The following TSPEAR variants were observed in gnomAD, a reference collection of about 807,000 sequenced individuals.
TSPEAR encodes thrombospondin-type laminin G domain and EAR repeat-containing protein.
Under a neutral mutation model 71.6 loss-of-function variants are expected in TSPEAR, and 69 were observed. The ratio of observed to expected loss-of-function variants is 0.96; its 90% confidence interval spans 0.79 to 1.18. TSPEAR has a LOEUF of 1.18. Among genes scored for constraint, TSPEAR ranks in the 50% most tolerant of loss-of-function variants. The pLI is 0.00. For synonymous variants in TSPEAR, 402 were observed against 387.2 expected (o/e 1.04, Z -0.45); for missense variants, 971 against 894.9 (o/e 1.09, Z -1.09).
At chr21:44,595,700 C>T (rs181530479) in intron 1 of TSPEAR, among the ~76,000 whole-genome samples, 120 of 152,316 alleles carry the variant, frequency 7.9e-4, no homozygotes, top group Admixed American at 1.9e-3. Context: ...TTACCATATG[C>T]GAGCTGAGAC....
rs1230837081 is a variant in TSPEAR, at chr21:44,707,224, TCCTGCCGCTCCACC to T, written c.82+4195_82+4208del. 2.0e-5 allele frequency among the ~76,000 whole-genome samples: 3 copies of T among 148,694 alleles called. No homozygotes were observed. The East Asian group carries it at 6.1e-4, about 30-fold the overall frequency. On this transcript the variant is annotated intron_variant, in intron 1 of 11. Transcript: ENST00000323084. ...GGAGGACCGCACCTGCCCTCCCCAC[TCCTGCCGCTCCACC>T]CCTGCCCCCACCGCAACACCAAGGT... is the stretch of plus-strand genomic sequence containing the variant.
intron 1 of TSPEAR, among the ~76,000 whole-genome samples, chr21:44,606,950 T>C (rs1446974530): frequency 6.6e-6 from 1 of 152,246 alleles, no homozygotes; most frequent in Non-Finnish European, 1.5e-5. Flanking sequence ...AGTGACCTAC[T>C]GCATTGCATG....
intron 10 of TSPEAR, chr21:44,508,769 A>G: frequency 7.8e-7 from 1 of 1,288,528 alleles, no homozygotes; most frequent in Non-Finnish European, 1.0e-6. Flanking sequence ...GGAGGATGCA[A>G]CATCGGGGGA....
At chr21:44,527,195 C>T in intron 7 of TSPEAR, 97 bp downstream of exon 7, 1 of 1,195,526 alleles carries the variant, frequency 8.4e-7, no homozygotes, top group Non-Finnish European at 1.2e-6. Flanking sequence ...CCGTGAGAAA[C>T]TCCTTTACCT....
In TSPEAR at chr21:44,695,384, G is replaced by T. The variant is rs1987290229; in HGVS notation, c.82+16049C>A. Among the ~76,000 whole-genome samples, 1 of 152,172 alleles carries T rather than the reference G, an allele frequency of 6.6e-6. No individual in the cohort carries two copies. The highest frequency in any genetic ancestry group is 2.4e-5 in the African/African-American group (1 of 41,508). On this transcript the variant is annotated intron_variant, in intron 1 of 11. Transcript: ENST00000323084. The surrounding 1 kb of genome is among the most constrained non-coding windows in gnomAD (Gnocchi z 4.5). ...TCAGACCTTCTACTGAGAGGTCGGG[G>T]GTCGGGTCATGACACACAGCAGGAA...
At chr21:44,631,788 A>G (rs998919899) in intron 1 of TSPEAR, among the ~76,000 whole-genome samples, 3 of 152,206 alleles carry the variant, frequency 2.0e-5, no homozygotes, top group Non-Finnish European at 4.4e-5. Flanking sequence ...GTAGGACAAC[A>G]TCAAACATAC....
intron 1 of TSPEAR, among the ~76,000 whole-genome samples, chr21:44,689,712 A>ATAT (rs1555949491): frequency 0.013 from 785 of 61,952 alleles, 86 homozygotes; most frequent in African/African-American, 0.017. Context: ...GAATAGAATG[A>ATAT]ATATATATAT....
chr21:44,518,348 C>A (rs782248084), intron 9 of TSPEAR: 4 of 458,762 alleles, frequency 8.7e-6, no homozygotes, highest in Non-Finnish European at 1.8e-5. Flanking sequence ...CTCTGGGGCA[C>A]TGGGGCATCT....
intron 1 of TSPEAR, chr21:44,580,490 G>A (rs149326833): frequency 1.9e-6 from 3 of 1,613,350 alleles, no homozygotes; most frequent in Non-Finnish European, 2.5e-6. Context: ...GGTGCCGCAG[G>A]GGGGCTCACA....
intron 1 of TSPEAR, among the ~76,000 whole-genome samples, chr21:44,586,416 C>A (rs1022647886): frequency 2.0e-5 from 3 of 152,156 alleles, no homozygotes; most frequent in African/African-American, 4.8e-5. Context: ...GAGGTGGAGG[C>A]ATTGGGGAGT....
At chr21:44,566,005 C>T (rs755725434) in intron 2 of TSPEAR, among the ~76,000 whole-genome samples, 33 of 152,166 alleles carry the variant, frequency 2.2e-4, no homozygotes, top group Non-Finnish European at 4.3e-4. Flanking sequence ...CATGGCGAAA[C>T]CCTGTCTCTA....
In TSPEAR at chr21:44,612,064, C is replaced by T; in HGVS notation, c.83-44059G>A. ...CCAGGGCACACAAACCCACACACCT[C>T]ACACCAGCACTCACACCACCCAGTC... is the stretch of plus-strand genomic sequence containing the variant. On this transcript the variant is annotated intron_variant, in intron 1 of 11. Coordinates refer to ENST00000323084, the MANE Select transcript of TSPEAR (RefSeq NM_144991.3). The surrounding 1 kb of genome is among the most constrained non-coding windows in gnomAD (Gnocchi z 4.1). 31 of 1,594,396 alleles carry T rather than the reference C, an allele frequency of 1.9e-5. No individual in the cohort carries two copies. Among genetic ancestry groups the T allele is most frequent in the Non-Finnish European group, 2.7e-5 (31 of 1,167,224 alleles).
Position 44,508,918 on chromosome 21 carries a change from G to A in TSPEAR, c.1754+281C>T, listed in dbSNP as rs587634509. On this transcript the variant is annotated intron_variant, in intron 10 of 11. Coordinates refer to ENST00000323084, the MANE Select transcript of TSPEAR (RefSeq NM_144991.3). Reference sequence around the variant, plus strand: ...AAGCCCCCTCCTGCCTCCACTGCTCGGATGAAAGGAGGTAATGGGTGTGAA... The same window carrying A: ...AAGCCCCCTCCTGCCTCCACTGCTCAGATGAAAGGAGGTAATGGGTGTGAA... 89 of 1,502,918 alleles carry A rather than the reference G, an allele frequency of 5.9e-5. No homozygotes were observed. In the East Asian group the frequency reaches 1.6e-3, roughly 26 times the overall value. The allele number at this position is 1,502,918 out of a possible 1,614,324, so 93.1% of individuals were successfully genotyped here.
rs587642497 is a variant in TSPEAR, at chr21:44,645,217, G to A, written c.82+66216C>T. ...AATGAAAATTGAAATAATCCAGAGTGCAGCTTCAAATAAAACAAAGAGCCT... is the reference window on the plus strand; with the variant it reads ...AATGAAAATTGAAATAATCCAGAGTACAGCTTCAAATAAAACAAAGAGCCT... On this transcript the variant is annotated intron_variant, in intron 1 of 11. Coordinates refer to ENST00000323084, the MANE Select transcript of TSPEAR (RefSeq NM_144991.3). Among the ~76,000 whole-genome samples the A allele has an allele frequency of 2.6e-5, 4 of 152,280 alleles. No individual in the cohort carries two copies. The South Asian group carries it at 8.3e-4, about 32-fold the overall frequency.
rs1462656134 is a variant in TSPEAR, at chr21:44,573,613, G to T, written c.83-5608C>A. 8 of 1,375,680 alleles carry T rather than the reference G, an allele frequency of 5.8e-6. No individual in the cohort carries two copies. In the East Asian group the frequency reaches 1.6e-4, roughly 28 times the overall value. 85.2% of individuals were successfully genotyped at this position (1,375,680 alleles called of 1,614,324 possible). ...GGAGCTGGCTGTACACCCCAACAAG[G>T]AAGGGAGGGCTTGCTGAGCCTCCTG... On this transcript the variant is annotated intron_variant, in intron 1 of 11. Transcript: ENST00000323084.
Position 44,711,479 on chromosome 21 carries a change from G to C in TSPEAR, c.36C>G (p.Pro12=). The C allele has an allele frequency of 6.2e-7, 1 of 1,612,030 alleles. No individual in the cohort carries two copies. Among genetic ancestry groups the C allele is most frequent in the Non-Finnish European group, 8.5e-7 (1 of 1,179,448 alleles). The change falls in exon 1 of 12, where the codon CCC becomes CCG. Residue 12 remains proline, a synonymous_variant. Coordinates refer to ENST00000323084, the MANE Select transcript of TSPEAR (RefSeq NM_144991.3). The surrounding 1 kb of genome is among the most constrained non-coding windows in gnomAD (Gnocchi z 4.5). ...GCGTGCCGTGGCCGGGGGCCGCCAGGGGCAGCACAAAACACAGACTCAGCA... is the reference window on the plus strand; with the variant it reads ...GCGTGCCGTGGCCGGGGGCCGCCAGCGGCAGCACAAAACACAGACTCAGCA... The part of the protein sequence containing the change: ...SALLSLCFVL[P]LAAPGHGTQG...
chr21:44,579,636 G>T lies in TSPEAR; in HGVS notation c.83-11631C>A, dbSNP rs1181925948. The T allele has an allele frequency of 4.4e-4, 489 of 1,117,102 alleles. 3 individuals carry two copies. The highest frequency in any genetic ancestry group is 2.8e-3 in the Middle Eastern group (9 of 3,256). 69.2% of individuals were successfully genotyped at this position (1,117,102 alleles called of 1,614,324 possible). A position where few individuals can be genotyped will look rare whatever the true frequency, so the allele number is the denominator to read the frequency against. On this transcript the variant is annotated intron_variant, in intron 1 of 11. Transcript: ENST00000323084. ...GGATGGAGATTCCTGGGAGTATGGA[G>T]GGGGGGGTCACCTCAGCACATGGGG...
Position 44,697,359 on chromosome 21 carries a change from C to T in TSPEAR, c.82+14074G>A, listed in dbSNP as rs781903322. 2.5e-6 allele frequency: 4 copies of T among 1,613,124 alleles called. No homozygotes were observed. The African/African-American group carries it at 5.3e-5, about 22-fold the overall frequency. On this transcript the variant is annotated intron_variant, in intron 1 of 11. Transcript: ENST00000323084. ...GCCCCCTGCCTGAGCCTGGTCTGCACCCCAGTGAGCCGTGTATCCAGCCCC... is the reference window on the plus strand; with the variant it reads ...GCCCCCTGCCTGAGCCTGGTCTGCATCCCAGTGAGCCGTGTATCCAGCCCC...
intron 1 of TSPEAR, among the ~76,000 whole-genome samples, chr21:44,669,719 T>A (rs76920781): frequency 0.026 from 3,904 of 152,274 alleles, 96 homozygotes; most frequent in Non-Finnish European, 0.033. Context: ...GGCTTACGGA[T>A]CACCCGCAGG....
Sources: gnomAD v4.1 joint callset for allele counts (sites outside exome capture counted in the v4.1 genomes callset) on GRCh38, gnomAD v4.1.1 for gene constraint, Gnocchi (gnomAD v3.1) non-coding constraint, MANE v1.5 for transcripts, NCBI Gene and HGNC (gene_info 2026-07-23, HGNC 2026-07-21) for gene names.